The following JCAD variants were observed in gnomAD, a reference collection of about 807,000 sequenced individuals.
JCAD encodes junctional cadherin 5-associated protein.
Under a neutral mutation model 98.0 loss-of-function variants are expected in JCAD, and 40 were observed. The ratio of observed to expected loss-of-function variants is 0.41; its 90% CI spans 0.32 to 0.53. The LOEUF (loss-of-function observed/expected upper bound fraction) is 0.53. JCAD is among the 20% of genes least tolerant of loss of function. The probability of loss-of-function intolerance (pLI) is 0.31; values close to 1 mark genes in which losing one functional copy is unlikely to be tolerated. For synonymous variants in JCAD, 691 were observed against 682.3 expected, an observed-to-expected ratio of 1.01 and a Z score of -0.20; for missense variants, 1,705 against 1,738.1, an observed-to-expected ratio of 0.98 and a Z score of 0.34.
chr10:30,078,907 GCC>G (rs1838027180), intron 1 of JCAD, among the ~76,000 whole-genome samples: 1 of 152,160 alleles, frequency 6.6e-6, no homozygotes, highest in Admixed American at 6.5e-5. Context: ...TTCTTTGTGT[GCC>G]CTTGAAGCTG....
intron 1 of JCAD, among the ~76,000 whole-genome samples, chr10:30,054,677 T>TA (rs1464909273): frequency 2.7e-5 from 4 of 149,650 alleles, no homozygotes; most frequent in Non-Finnish European, 4.5e-5. Flanking sequence ...AAATGCATCT[T>TA]TTTTTTTTTT....
intron 2 of JCAD, among the ~76,000 whole-genome samples, chr10:30,038,292 G>C (rs1370198112): frequency 6.6e-6 from 1 of 152,184 alleles, no homozygotes; most frequent in African/African-American, 2.4e-5. Context: ...GGTAATTCTA[G>C]TAGTGTTTAA....
intron 2 of JCAD, among the ~76,000 whole-genome samples, chr10:30,034,402 G>C (rs1400079895): frequency 4.6e-5 from 7 of 152,110 alleles, no homozygotes; most frequent in Non-Finnish European, 1.5e-5. Flanking sequence ...CAATGCTTCT[G>C]TGTTAACGAC....
chr10:30,077,990 T>G (rs755783664), intron 1 of JCAD, among the ~76,000 whole-genome samples: 6 of 152,222 alleles, frequency 3.9e-5, no homozygotes, highest in Admixed American at 6.5e-5. Context: ...ACTGGCAAAC[T>G]GTTTTCCATA....
intron 1 of JCAD, among the ~76,000 whole-genome samples, chr10:30,058,977 C>A (rs1484972615): frequency 6.6e-6 from 1 of 152,076 alleles, no homozygotes; most frequent in Non-Finnish European, 1.5e-5. Flanking sequence ...GCCGGGGCAG[C>A]GTGGGAACTG....
At chr10:30,066,815 G>A (rs1290646364) in intron 2 of JCAD, among the ~76,000 whole-genome samples, 2 of 152,194 alleles carry the variant, frequency 1.3e-5, no homozygotes, top group South Asian at 4.1e-4. Flanking sequence ...GAGGTCAGGA[G>A]TTCAAGACCA....
At chr10:30,106,648 A>G (rs1335333871) in intron 1 of JCAD, among the ~76,000 whole-genome samples, 7 of 152,254 alleles carry the variant, frequency 4.6e-5, no homozygotes, top group Admixed American at 4.6e-4. Context: ...TTACAGGTGC[A>G]TGCTACTATG....
At position 30,015,381 on chromosome 10, in the gene JCAD, G is replaced by T. The variant is rs560872503; in HGVS notation, c.*2502C>A. ...ATTCAAGACCTCTGGGAAAGCTGTTGTTGGTTATAGGCTATTATTTACCTT... is the reference window on the plus strand; with the variant it reads ...ATTCAAGACCTCTGGGAAAGCTGTTTTTGGTTATAGGCTATTATTTACCTT... On this transcript the variant is annotated 3_prime_UTR_variant, in exon 4 of 4. Transcript: ENST00000375377. 4.6e-5 allele frequency: 7 copies of T among 152,282 alleles called. No individual in the cohort carries two copies. In the East Asian group the frequency reaches 1.2e-3, roughly 25 times the overall value. 9.4% of individuals were successfully genotyped at this position (152,282 alleles called of 1,614,324 possible).
At chr10:30,053,805 G>C (rs1264296481) in intron 1 of JCAD, among the ~76,000 whole-genome samples, 1 of 151,726 alleles carries the variant, frequency 6.6e-6, no homozygotes, top group Non-Finnish European at 1.5e-5. Flanking sequence ...GCTCACACTT[G>C]TAATCCCAGC....
At position 30,027,820 on chromosome 10, in the gene JCAD, C is replaced by A; in HGVS notation, c.2328G>T (p.Thr776=). Residue 776 remains threonine (T), a synonymous_variant, in exon 3 of 4, where the codon ACG becomes ACT. Coordinates refer to ENST00000375377, the MANE Select transcript of JCAD (RefSeq NM_020848.4). ...AGGGCTGACTTCGGCCTGCTTTTGG[C>A]GTCGGTGCCTGGTCCACGGACAAGG... ...RTSLSVDQAP[T]PKAGRSQPCV... is the part of the protein sequence containing the mutation. 1 of 1,614,268 alleles carries A rather than the reference C, an allele frequency of 6.2e-7. No homozygotes were observed. Among genetic ancestry groups the A allele is most frequent in the Middle Eastern group, 1.6e-4 (1 of 6,062 alleles).
intron 2 of JCAD, among the ~76,000 whole-genome samples, chr10:30,068,328 T>G (rs1589703772): frequency 7.0e-6 from 1 of 142,136 alleles, no homozygotes; most frequent in Non-Finnish European, 1.5e-5. Flanking sequence ...GAAGTGGAGG[T>G]TGCAGTGAGC....
At chr10:30,101,749 A>G (rs551901645) in intron 1 of JCAD, among the ~76,000 whole-genome samples, 2 of 152,164 alleles carry the variant, frequency 1.3e-5, no homozygotes, top group African/African-American at 4.8e-5. Context: ...TTTTTGGTTC[A>G]TAGTCTTTTA....
intron 1 of JCAD, among the ~76,000 whole-genome samples, chr10:30,097,026 G>A (rs1437002271): frequency 6.6e-6 from 1 of 152,160 alleles, no homozygotes; most frequent in Middle Eastern, 3.2e-3. Context: ...GCCTGGAGTT[G>A]CTGTCAAATG....
At chr10:30,031,996 C>T (rs1054174483) in intron 2 of JCAD, among the ~76,000 whole-genome samples, 10 of 151,806 alleles carry the variant, frequency 6.6e-5, no homozygotes, top group Non-Finnish European at 1.3e-4. Context: ...CCTCGTGATC[C>T]GCCCGCCTCG....
At chr10:30,080,321 G>T (rs1487872262) in intron 1 of JCAD, among the ~76,000 whole-genome samples, 2 of 152,026 alleles carry the variant, frequency 1.3e-5, no homozygotes, top group Non-Finnish European at 1.5e-5. Context: ...AGTTCCTGAG[G>T]CTCATGACTT....
intron 1 of JCAD, among the ~76,000 whole-genome samples, chr10:30,081,812 C>T (rs1838092599): frequency 1.3e-5 from 2 of 152,184 alleles, no homozygotes; most frequent in African/African-American, 4.8e-5. Context: ...AACTGTGTCC[C>T]TGAGAGCTGC....
At position 30,059,295 on chromosome 10, in the gene JCAD, G is replaced by C. The variant is rs1837652725; in HGVS notation, c.-60+187C>G. The stretch of plus-strand genomic sequence containing the variant: ...GGCTGCCGGGCTAGGCACCGCGCGG[G>C]GGGCCCAGGCGGGGCTGCGACTGGG... On this transcript the variant is annotated intron_variant, in intron 1 of 3. Coordinates refer to ENST00000375377, the MANE Select transcript of JCAD (RefSeq NM_020848.4). The surrounding 1 kb of genome is among the most constrained non-coding windows in gnomAD (Gnocchi z 5.0). 6.6e-6 allele frequency among the ~76,000 whole-genome samples: 1 copy of C among 151,282 alleles called. No individual in the cohort carries two copies. Among genetic ancestry groups the C allele is most frequent in the Admixed American group, 6.6e-5 (1 of 15,208 alleles).
intron 1 of JCAD, among the ~76,000 whole-genome samples, chr10:30,094,431 C>T (rs563309374): frequency 4.6e-5 from 7 of 152,078 alleles, no homozygotes; most frequent in Non-Finnish European, 8.8e-5. Flanking sequence ...GCCTGGGTGA[C>T]AGAGACAGAC....
At chr10:30,046,871 T>C (rs995766739) in intron 2 of JCAD, among the ~76,000 whole-genome samples, 5 of 152,116 alleles carry the variant, frequency 3.3e-5, no homozygotes, top group Admixed American at 6.5e-5. Context: ...GTGGGAGGAC[T>C]GCATGAGGCC....
Sources: allele counts gnomAD v4.1 joint callset (sites outside exome capture counted in the v4.1 genomes callset), GRCh38; gene constraint gnomAD v4.1.1; non-coding constraint Gnocchi (gnomAD v3.1); transcripts MANE v1.5; gene names NCBI Gene and HGNC (gene_info 2026-07-23, HGNC 2026-07-21).